The following TPD52L2 variants were observed in gnomAD, a reference collection of about 807,000 sequenced individuals.
TPD52L2 encodes the protein TPD52 like 2.
Under a neutral mutation model 24.7 loss-of-function variants are expected in TPD52L2, and 19 were observed. The observed-to-expected ratio is 0.77, with a 90% CI of 0.54 to 1.13. The LOEUF is 1.13. Among genes scored for constraint, TPD52L2 ranks in the 50% most tolerant of loss-of-function variants. The probability of loss-of-function intolerance (pLI) is 0.00; values close to 1 mark genes in which losing one functional copy is unlikely to be tolerated. For synonymous variants in TPD52L2, 104 were observed against 100.2 expected, an observed-to-expected ratio of 1.04 and a Z score of -0.23; for missense variants, 236 against 250.4, an observed-to-expected ratio of 0.94 and a Z score of 0.39.
intron 3 of TPD52L2, 53 bp downstream of exon 3, chr20:63,873,869 A>G (rs1337488617): frequency 7.1e-7 from 1 of 1,417,878 alleles, no homozygotes; most frequent in African/African-American, 1.5e-5. Flanking sequence ...CGGGCACCAC[A>G]CGTGCCCCGG....
chr20:63,882,635 G>A (rs1162757019), intron 4 of TPD52L2, 84 bp from the exon 5 acceptor site: 3 of 1,097,742 alleles, frequency 2.7e-6, no homozygotes, highest in African/African-American at 1.5e-5. Context: ...TTTTCCTCGG[G>A]CGTGCTCCCA....
At chr20:63,866,444 G>C (rs1438611329) in intron 1 of TPD52L2, among the ~76,000 whole-genome samples, 2 of 151,180 alleles carry the variant, frequency 1.3e-5, no homozygotes, top group Non-Finnish European at 2.9e-5. Context: ...CATTATTCTG[G>C]AGGGTGTTTT....
intron 5 of TPD52L2, chr20:63,887,505 G>A (rs1274853387): frequency 1.3e-6 from 2 of 1,587,140 alleles, no homozygotes; most frequent in South Asian, 2.2e-5. Flanking sequence ...TTGGGGTTGT[G>A]TGTGGATCTT....
chr20:63,886,033 A>C, intron 5 of TPD52L2: 1 of 1,612,900 alleles, frequency 6.2e-7, no homozygotes, highest in East Asian at 2.2e-5. Context: ...CCATTTTCAC[A>C]CTCCTTTAGG....
At position 63,886,687 on chromosome 20, in the gene TPD52L2, C is replaced by G. The variant is rs114874284; in HGVS notation, c.477-2503C>G. 7.1e-3 allele frequency among the ~76,000 whole-genome samples: 1,063 copies of G among 149,786 alleles called. 15 individuals are homozygous for G. Among genetic ancestry groups the G allele is most frequent in the African/African-American group, 0.025 (1,015 of 40,664 alleles). On this transcript the variant is annotated intron_variant, in intron 5 of 6. Coordinates refer to ENST00000346249, the MANE Select transcript of TPD52L2 (RefSeq NM_003288.4). Reference sequence around the variant, plus strand: ...TTTTGTTGGAGTCTCGCTCTATCACCAGGCTGGAGCACAGTGGTGTGATCT... The same window carrying G: ...TTTTGTTGGAGTCTCGCTCTATCACGAGGCTGGAGCACAGTGGTGTGATCT...
rs569016602 is a variant in TPD52L2, at chr20:63,883,989, G to A, written c.476+1169G>A. Among the ~76,000 whole-genome samples, 5 of 152,290 alleles carry A rather than the reference G, an allele frequency of 3.3e-5. No individual in the cohort carries two copies. The South Asian group carries it at 1.0e-3, about 32-fold the overall frequency. Reference sequence around the variant, plus strand: ...CCACACACACCCAGGGACCCACCCTGCCAAGCAGAGGGGATGGCCACTGCC... The same window carrying A: ...CCACACACACCCAGGGACCCACCCTACCAAGCAGAGGGGATGGCCACTGCC... On this transcript the variant is annotated intron_variant, in intron 5 of 6. Coordinates refer to ENST00000346249, the MANE Select transcript of TPD52L2 (RefSeq NM_003288.4).
In TPD52L2 at chr20:63,873,668, G is replaced by A. The variant is rs775040972; in HGVS notation, c.166G>A (p.Val56Met). 1.2e-6 allele frequency: 2 copies of A among 1,610,692 alleles called. No individual in the cohort carries two copies. Among genetic ancestry groups the A allele is most frequent in the African/African-American group, 2.7e-5 (2 of 74,678 alleles). Residue 56 changes from valine (V) to methionine (M), a missense_variant and splice_region_variant, in exon 3 of 7, where the codon GTG (valine) becomes ATG (methionine). Val to Met is a conservative substitution (Grantham distance 21). Transcript: ENST00000346249. ...ATCATGTCAACTGCATGCTTTGCAG[G>A]TGGAAGAGGAAATTGTCACTCTGCG... ...EEELRAELTK[V>M]EEEIVTLRQV...
At chr20:63,875,285 C>T (rs2146203475) in intron 3 of TPD52L2, among the ~76,000 whole-genome samples, 1 of 152,158 alleles carries the variant, frequency 6.6e-6, no homozygotes, top group African/African-American at 2.4e-5. Flanking sequence ...TCCCAGATGT[C>T]GCTCAGCTCT....
chr20:63,868,757 G>A (rs191365010), intron 1 of TPD52L2, among the ~76,000 whole-genome samples: 2 of 152,310 alleles, frequency 1.3e-5, no homozygotes, highest in African/African-American at 2.4e-5. Context: ...CAGCCTGGCC[G>A]ACATGACGAA....
chr20:63,873,605 A>C (rs1405325735), intron 2 of TPD52L2, 63 bp from the exon 3 acceptor site: 2 of 1,580,810 alleles, frequency 1.3e-6, no homozygotes, highest in African/African-American at 1.4e-5. Flanking sequence ...GGCACTGTGC[A>C]TGAGGATGTT....
At position 63,877,969 on chromosome 20, in the gene TPD52L2, G is replaced by A. The variant is rs1179608421; in HGVS notation, c.374+2094G>A. 6.6e-6 allele frequency among the ~76,000 whole-genome samples: 1 copy of A among 152,264 alleles called. No homozygotes were observed. Among genetic ancestry groups the A allele is most frequent in the Non-Finnish European group, 1.5e-5 (1 of 68,042 alleles). On this transcript the variant is annotated intron_variant, in intron 4 of 6. Coordinates refer to ENST00000346249, the MANE Select transcript of TPD52L2 (RefSeq NM_003288.4). The surrounding 1 kb of genome is among the most constrained non-coding windows in gnomAD (Gnocchi z 4.1). ...GATGGTTTCTGCCGGGACGGCCGAG[G>A]CCGAGGGCGGTGGTTTCTGCCGGGA...
At chr20:63,878,099 G>A (rs2052760098) in intron 4 of TPD52L2, among the ~76,000 whole-genome samples, 1 of 152,260 alleles carries the variant, frequency 6.6e-6, no homozygotes, top group South Asian at 2.1e-4. Flanking sequence ...TCAGGAGATG[G>A]GCTGTAGATG....
intron 5 of TPD52L2, chr20:63,887,154 TGGAACCGGGA>T: frequency 2.2e-5 from 7 of 313,258 alleles, no homozygotes; most frequent in South Asian, 1.9e-4. Flanking sequence ...GCCCTTCTGC[TGGAACCGGGA>T]GGTCTAGAGC....
intron 2 of TPD52L2, among the ~76,000 whole-genome samples, chr20:63,872,668 G>T (rs148595250): frequency 0.061 from 9,189 of 151,826 alleles, 375 homozygotes; most frequent in Non-Finnish European, 0.092. Flanking sequence ...GTGAGCCACT[G>T]TGCCCGGCCA....
intron 4 of TPD52L2, among the ~76,000 whole-genome samples, chr20:63,881,783 G>A (rs990173003): frequency 6.6e-6 from 1 of 152,228 alleles, no homozygotes. Flanking sequence ...AGGTGGCTGT[G>A]GGTTCGCATT....
intron 4 of TPD52L2, among the ~76,000 whole-genome samples, chr20:63,878,086 G>A (rs2052759513): frequency 6.6e-6 from 1 of 152,278 alleles, no homozygotes; most frequent in African/African-American, 2.4e-5. Flanking sequence ...CTCCTAGTCA[G>A]CTTCAGGAGA....
rs73624764 is a variant in TPD52L2, at chr20:63,868,151, G to A, written c.20-1145G>A. 2.4e-3 allele frequency among the ~76,000 whole-genome samples: 367 copies of A among 152,250 alleles called. 8 individuals carry two copies. The East Asian group carries it at 0.059, about 25-fold the overall frequency. ...TGGTCTCGAACTCCTGACCTCATGT[G>A]ATCCACCTGCCTCGGCCTCCAAAAG... On this transcript the variant is annotated intron_variant, in intron 1 of 6. Transcript: ENST00000346249.
intron 3 of TPD52L2, among the ~76,000 whole-genome samples, chr20:63,874,918 T>C (rs1010058938): frequency 6.6e-6 from 1 of 151,992 alleles, no homozygotes; most frequent in Non-Finnish European, 1.5e-5. Context: ...GGCGGGTGTA[T>C]CACTTGAGGT....
Position 63,890,137 on chromosome 20 carries a change from G to A in TPD52L2, c.*192G>A. On this transcript the variant is annotated 3_prime_UTR_variant, in exon 7 of 7. Coordinates refer to ENST00000346249, the MANE Select transcript of TPD52L2 (RefSeq NM_003288.4). ...GAAGAACACAGGCTTGTACACAGAT[G>A]TTTTACACTCACGTTTGTAGATGAA... is the stretch of plus-strand genomic sequence containing the variant. The A allele has an allele frequency of 7.8e-7, 1 of 1,280,238 alleles. No individual in the cohort carries two copies. The highest frequency in any genetic ancestry group is 2.5e-5 in the East Asian group (1 of 39,254). The allele number at this position is 1,280,238 out of a possible 1,614,324, so 79.3% of individuals were successfully genotyped here.
Sources: gnomAD v4.1 joint callset for allele counts (sites outside exome capture counted in the v4.1 genomes callset) on GRCh38, gnomAD v4.1.1 for gene constraint, Gnocchi (gnomAD v3.1) non-coding constraint, MANE v1.5 for transcripts, NCBI Gene and HGNC (gene_info 2026-07-23, HGNC 2026-07-21) for gene names.